The following CDH13 variants were observed in gnomAD, a reference collection of about 807,000 sequenced individuals.
CDH13 encodes the protein cadherin-13.
In CDH13, 24 loss-of-function variants were observed where a neutral mutation model predicts 63.8. The observed-to-expected ratio is 0.38, with a 90% CI of 0.27 to 0.53. The LOEUF (loss-of-function observed/expected upper bound fraction) is 0.53, where lower values mean the gene tolerates loss of function less well. Among genes scored for constraint, CDH13 ranks in the 20% least tolerant of loss-of-function variants. The pLI, the probability that CDH13 is intolerant of heterozygous loss-of-function variation, is 0.85. For missense variants in CDH13, 1,049 were observed against 903.1 expected, an observed-to-expected ratio of 1.16 and a Z score of -2.07; for synonymous variants, 503 against 355.3, an observed-to-expected ratio of 1.42 and a Z score of -4.67.
At chr16:83,768,142 T>C (rs943760022) in intron 11 of CDH13, among the ~76,000 whole-genome samples, 1 of 152,218 alleles carries the variant, frequency 6.6e-6, no homozygotes, top group Non-Finnish European at 1.5e-5. Context: ...TTTTTATATA[T>C]GTCTTTCTAA....
chr16:82,988,902 A>G (rs1449895924), intron 2 of CDH13, among the ~76,000 whole-genome samples: 1 of 152,166 alleles, frequency 6.6e-6, no homozygotes, highest in Non-Finnish European at 1.5e-5. Context: ...TCAGGTCAGA[A>G]CATTCCAAGT....
intron 6 of CDH13, among the ~76,000 whole-genome samples, chr16:83,468,523 A>G (rs1233551164): frequency 6.6e-6 from 1 of 152,230 alleles, no homozygotes; most frequent in Admixed American, 6.5e-5. Context: ...ATCCCCAGGA[A>G]ATAGATTTAG....
At chr16:83,011,452 C>A (rs150462053) in intron 2 of CDH13, among the ~76,000 whole-genome samples, 4 of 152,152 alleles carry the variant, frequency 2.6e-5, no homozygotes, top group Non-Finnish European at 5.9e-5. Context: ...TAGTGCAAAT[C>A]GAAAGCCCTT....
At chr16:82,797,180 G>T (rs866505407) in intron 1 of CDH13, among the ~76,000 whole-genome samples, 2 of 152,262 alleles carry the variant, frequency 1.3e-5, no homozygotes, top group Middle Eastern at 3.4e-3. Flanking sequence ...CTTTCAGTGT[G>T]GGGAGGAATG....
chr16:83,191,133 T>C (rs1314452353), intron 4 of CDH13, among the ~76,000 whole-genome samples: 2 of 150,304 alleles, frequency 1.3e-5, no homozygotes, highest in African/African-American at 4.9e-5. Context: ...TTTTTGTTGT[T>C]GTTATTGTTG....
At chr16:83,230,147 C>T (rs1044198058) in intron 5 of CDH13, among the ~76,000 whole-genome samples, 18 of 152,134 alleles carry the variant, frequency 1.2e-4, no homozygotes, top group African/African-American at 4.1e-4. Context: ...CACAATTAGT[C>T]GTGAATGCAT....
At chr16:83,719,571 A>G (rs542594303) in intron 10 of CDH13, among the ~76,000 whole-genome samples, 2 of 152,304 alleles carry the variant, frequency 1.3e-5, no homozygotes, top group South Asian at 2.1e-4. Context: ...ATGAGGATGT[A>G]CTAGGAGCGT....
chr16:83,646,520 G>A (rs1282428851), intron 8 of CDH13, among the ~76,000 whole-genome samples: 4 of 151,892 alleles, frequency 2.6e-5, no homozygotes, highest in Non-Finnish European at 5.9e-5. Flanking sequence ...GGCCAAAATG[G>A]TGAAACCCCA....
chr16:83,169,088 C>T (rs1227900531), intron 4 of CDH13, among the ~76,000 whole-genome samples: 4 of 151,992 alleles, frequency 2.6e-5, no homozygotes, highest in Admixed American at 1.3e-4. Context: ...AATTATCAAA[C>T]TTTTTTGCAA....
At chr16:83,682,807 A>G (rs1344686913) in intron 10 of CDH13, among the ~76,000 whole-genome samples, 1 of 152,232 alleles carries the variant, frequency 6.6e-6, no homozygotes, top group Non-Finnish European at 1.5e-5. Context: ...CCTCGAAACT[A>G]AAAGCCCCCA....
chr16:83,041,830 A>G (rs1917355697), intron 3 of CDH13, among the ~76,000 whole-genome samples: 1 of 152,176 alleles, frequency 6.6e-6, no homozygotes, highest in Non-Finnish European at 1.5e-5. Context: ...CCTTGTGTGG[A>G]TGCCATCATG....
intron 7 of CDH13, among the ~76,000 whole-genome samples, chr16:83,499,130 A>C (rs2074214151): frequency 6.6e-6 from 1 of 152,240 alleles, no homozygotes; most frequent in Admixed American, 6.5e-5. Context: ...GAAATGGCCA[A>C]CCAGTGGGGG....
At chr16:82,660,217 A>C (rs1473370247) in intron 1 of CDH13, among the ~76,000 whole-genome samples, 1 of 152,192 alleles carries the variant, frequency 6.6e-6, no homozygotes, top group Non-Finnish European at 1.5e-5. Context: ...CAACAAATTG[A>C]GTATCTTGGT....
intron 3 of CDH13, among the ~76,000 whole-genome samples, chr16:83,046,147 A>G (rs1917764077): frequency 6.6e-6 from 1 of 152,172 alleles, no homozygotes; most frequent in East Asian, 1.9e-4. Flanking sequence ...GCTTCTAATA[A>G]ATAAATAGAA....
intron 1 of CDH13, among the ~76,000 whole-genome samples, chr16:82,784,100 T>TA (rs11447699): frequency 0.032 from 4,807 of 152,074 alleles, 257 homozygotes; most frequent in African/African-American, 0.11. Flanking sequence ...CAAGTTGCAG[T>TA]AAAAGAAATC....
intron 8 of CDH13, among the ~76,000 whole-genome samples, chr16:83,645,388 A>G (rs1911693750): frequency 6.6e-6 from 1 of 152,082 alleles, no homozygotes; most frequent in Admixed American, 6.5e-5. Context: ...GACAGTGAGG[A>G]CTCCAAATGC....
At chr16:83,401,487 G>C (rs1210681805) in intron 6 of CDH13, among the ~76,000 whole-genome samples, 1 of 152,090 alleles carries the variant, frequency 6.6e-6, no homozygotes. Context: ...ACTCCAGCCT[G>C]GGTAACAGAG....
intron 6 of CDH13, among the ~76,000 whole-genome samples, chr16:83,425,658 A>G (rs992199325): frequency 1.1e-4 from 17 of 152,348 alleles, no homozygotes; most frequent in African/African-American, 4.1e-4. Flanking sequence ...GTCATCTCCT[A>G]GAACACACAT....
At chr16:82,719,517 T>A (rs1288602956) in intron 1 of CDH13, 6 of 449,230 alleles carry the variant, frequency 1.3e-5, no homozygotes, top group African/African-American at 1.2e-4. Flanking sequence ...GAAGTGGAGC[T>A]GGGGCTCCTT....
Sources: allele counts gnomAD v4.1 joint callset (sites outside exome capture counted in the v4.1 genomes callset), GRCh38; gene constraint gnomAD v4.1.1; transcripts MANE v1.5; gene names NCBI Gene and HGNC (gene_info 2026-07-23, HGNC 2026-07-21).